The following DMXL1 variants were observed in gnomAD, a reference collection of about 807,000 sequenced individuals.
DMXL1 encodes dmX-like protein 1.
In DMXL1, 99 loss-of-function variants were observed where a neutral mutation model predicts 319.2. The ratio of observed to expected loss-of-function variants is 0.31; its 90% CI spans 0.26 to 0.37. The LOEUF (loss-of-function observed/expected upper bound fraction) is 0.37, where lower values mean the gene tolerates loss of function less well. DMXL1 is among the 10% of genes least tolerant of loss of function. The pLI is 1.00. For synonymous variants in DMXL1, 1,385 were observed against 1,235.2 expected, an observed-to-expected ratio of 1.12 and a Z score of -2.54; for missense variants, 3,745 against 3,595.6, an observed-to-expected ratio of 1.04 and a Z score of -1.06.
chr5:119,237,272 T>C (rs1313724378), intron 39 of DMXL1, 50 bp from the exon 40 acceptor site: 2 of 1,150,068 alleles, frequency 1.7e-6, no homozygotes, highest in African/African-American at 1.5e-5. Flanking sequence ...AGGATAAATA[T>C]ATGCTTTTAT....
At chr5:119,122,872 C>T (rs1236836963) in intron 9 of DMXL1, among the ~76,000 whole-genome samples, 1 of 151,118 alleles carries the variant, frequency 6.6e-6, no homozygotes, top group Non-Finnish European at 1.5e-5. Flanking sequence ...GGCGGCCAGG[C>T]AGAGACGCTC....
At chr5:119,218,285 A>G (rs1784040366) in intron 35 of DMXL1, among the ~76,000 whole-genome samples, 1 of 152,180 alleles carries the variant, frequency 6.6e-6, no homozygotes, top group Non-Finnish European at 1.5e-5. Flanking sequence ...AGTCTGTGCT[A>G]TAAAAGAAAC....
At chr5:119,228,703 G>A (rs1056518604) in intron 38 of DMXL1, among the ~76,000 whole-genome samples, 2 of 152,062 alleles carry the variant, frequency 1.3e-5, no homozygotes, top group Admixed American at 1.3e-4. Flanking sequence ...CAAAGTTAGA[G>A]TGAGGTCAAA....
At chr5:119,242,627 G>A (rs543627331) in intron 42 of DMXL1, among the ~76,000 whole-genome samples, 2 of 152,302 alleles carry the variant, frequency 1.3e-5, no homozygotes, top group East Asian at 3.9e-4. Context: ...AAGTTTATAT[G>A]GGAAAGCAAA....
At chr5:119,140,983 A>T (rs958575964) in intron 13 of DMXL1, among the ~76,000 whole-genome samples, 5 of 152,044 alleles carry the variant, frequency 3.3e-5, no homozygotes, top group African/African-American at 1.2e-4. Flanking sequence ...TTATCACATA[A>T]GGAGAACTGA....
At chr5:119,190,419 GA>G (rs1778501966) in intron 29 of DMXL1, among the ~76,000 whole-genome samples, 1 of 152,182 alleles carries the variant, frequency 6.6e-6, no homozygotes, top group Non-Finnish European at 1.5e-5. Flanking sequence ...TGCACTTTTT[GA>G]TCAGTGACCA....
chr5:119,134,430 A>G, intron 13 of DMXL1, 41 bp downstream of exon 13: 2 of 1,484,494 alleles, frequency 1.3e-6, no homozygotes, highest in South Asian at 2.5e-5. Flanking sequence ...ATATAATATT[A>G]TGTTTTCAGA....
At chr5:119,246,129 A>G (rs1581532955) in intron 43 of DMXL1, among the ~76,000 whole-genome samples, 1 of 152,212 alleles carries the variant, frequency 6.6e-6, no homozygotes, top group Non-Finnish European at 1.5e-5. Flanking sequence ...TTACAGGCAC[A>G]TTTATTTTGA....
intron 34 of DMXL1, among the ~76,000 whole-genome samples, chr5:119,212,452 CAGTT>C (rs1177969366): frequency 1.3e-5 from 2 of 152,068 alleles, no homozygotes; most frequent in Non-Finnish European, 2.9e-5. Flanking sequence ...ATCCATTCGT[CAGTT>C]AGTGGACATT....
At chr5:119,118,678 A>G (rs1580803696) in intron 7 of DMXL1, 137 bp from the exon 8 acceptor site, 1 of 584,344 alleles carries the variant, frequency 1.7e-6, no homozygotes, top group African/African-American at 1.9e-5. Context: ...ATTTGCTGTG[A>G]TGAAATCTGT....
At chr5:119,096,177 A>AT (rs74454483) in intron 1 of DMXL1, among the ~76,000 whole-genome samples, 5,988 of 142,030 alleles carry the variant, frequency 0.042, 398 homozygotes, top group African/African-American at 0.14. Context: ...ATGAAGTATA[A>AT]TTTTTTTTTT....
chr5:119,174,884 T>C (rs542144927), intron 25 of DMXL1, among the ~76,000 whole-genome samples: 1 of 152,364 alleles, frequency 6.6e-6, no homozygotes, highest in African/African-American at 2.4e-5. Context: ...GTTGGTGAAC[T>C]GTCAGTTATC....
chr5:119,209,281 A>C (rs937113444), intron 34 of DMXL1, among the ~76,000 whole-genome samples: 2 of 152,270 alleles, frequency 1.3e-5, no homozygotes, highest in Admixed American at 6.5e-5. Flanking sequence ...AAACTATTCA[A>C]ATATTTTCCA....
intron 19 of DMXL1, among the ~76,000 whole-genome samples, chr5:119,160,497 A>G (rs1307939772): frequency 3.9e-5 from 6 of 152,212 alleles, no homozygotes; most frequent in Non-Finnish European, 7.3e-5. Context: ...CACAAAAAAG[A>G]ATGCGTATTC....
At chr5:119,187,705 C>G (rs1777987955) in intron 28 of DMXL1, among the ~76,000 whole-genome samples, 1 of 152,100 alleles carries the variant, frequency 6.6e-6, no homozygotes, top group African/African-American at 2.4e-5. Flanking sequence ...CTCTGTTGCC[C>G]AGGCTGGAGT....
rs370569771 is a variant in DMXL1, at chr5:119,240,463, T to C, written c.8696T>C (p.Leu2899Ser). The change falls in exon 42 of 44, where the codon TTA becomes TCA. Residue 2899 changes from leucine to serine, a missense_variant. Physicochemically the swap from Leu to Ser is moderately radical, Grantham distance 145 (BLOSUM62 -2). Around this residue, in one of 4 missense-constraint regions of DMXL1, gnomAD observed 262 missense variants for 320.5 expected, o/e 0.82. Coordinates refer to ENST00000539542, the MANE Select transcript of DMXL1 (RefSeq NM_001290321.3). ...ACTCTTGTAGCACCTGCCAATAGTT[T>C]AGTCCATGGTAAGTTTTCAAAGCAT... ...WDTLVAPANS[L>S]VHAFTCHDSG... is the part of the protein sequence containing the mutation. 1.9e-6 allele frequency: 3 copies of C among 1,605,318 alleles called. No individual in the cohort carries two copies. Among genetic ancestry groups the C allele is most frequent in the African/African-American group, 2.7e-5 (2 of 74,510 alleles).
chr5:119,195,585 A>C, intron 30 of DMXL1, among the ~76,000 whole-genome samples: 1 of 152,184 alleles, frequency 6.6e-6, no homozygotes, highest in African/African-American at 2.4e-5. Flanking sequence ...TGGTGGGGGG[A>C]GAATGGGGAA....
intron 9 of DMXL1, chr5:119,127,224 T>G: frequency 5.1e-6 from 1 of 197,712 alleles, no homozygotes; most frequent in Non-Finnish European, 1.1e-5. Flanking sequence ...ATTGTAAAAT[T>G]ACAGTGCTCA....
intron 2 of DMXL1, among the ~76,000 whole-genome samples, chr5:119,101,341 C>G (rs993998680): frequency 5.3e-5 from 8 of 152,040 alleles, no homozygotes; most frequent in African/African-American, 1.9e-4. Context: ...CATTTAATCT[C>G]TCTCTCTGTT....
Sources: gnomAD v4.1 joint callset for allele counts (sites outside exome capture counted in the v4.1 genomes callset) on GRCh38, gnomAD v4.1.1 for gene constraint, gnomAD v4.1.1 regional missense constraint, MANE v1.5 for transcripts, NCBI Gene and HGNC (gene_info 2026-07-23, HGNC 2026-07-21) for gene names.